Variants in NT5DC3 observed in about 807,000 individuals in gnomAD.
The protein encoded by NT5DC3 is 5'-nucleotidase domain containing 3.
NT5DC3 carries 42 observed loss-of-function variants against 67.8 expected under a neutral mutation model. The ratio of observed to expected loss-of-function variants is 0.62; its 90% CI spans 0.48 to 0.80. The LOEUF is 0.80. Among genes scored for constraint, NT5DC3 ranks in the 30% least tolerant of loss-of-function variants. The pLI, the probability that NT5DC3 is intolerant of heterozygous loss-of-function variation, is 0.00. For missense variants in NT5DC3, 570 were observed against 696.4 expected (o/e 0.82, Z 2.04); for synonymous variants, 237 against 255.6 (o/e 0.93, Z 0.69).
the NT5DC3 span, chr12:103,758,199 T>C: frequency 6.2e-7 from 1 of 1,614,158 alleles, no homozygotes; most frequent in Non-Finnish European, 8.5e-7. Context: ...ACAGCTCAGC[T>C]CGAGGCCGTG....
chr12:103,796,913 T>G lies in NT5DC3; in HGVS notation c.734A>C (p.His245Pro). Residue 245 changes from histidine to proline, a missense_variant, in exon 6 of 14, where the codon CAT becomes CCT. Around this residue, in one of 2 missense-constraint regions of NT5DC3, gnomAD observed 466 missense variants for 608.0 expected, o/e 0.77. Coordinates refer to ENST00000392876, the MANE Select transcript of NT5DC3 (RefSeq NM_001031701.3). ...TACAACCTTGACATCTTTGTACAGA[T>G]GCACAGGCTCATAGTCGATGTTGTT... ...LKNNIDYEPV[H>P]LYKDVKDSIR... 1 of 1,614,174 alleles carries G rather than the reference T, an allele frequency of 6.2e-7. No homozygotes were observed. Among genetic ancestry groups the G allele is most frequent in the South Asian group, 1.1e-5 (1 of 91,086 alleles).
At chr12:103,805,885 A>ACC (rs1406287601) in intron 4 of NT5DC3, among the ~76,000 whole-genome samples, 1 of 146,786 alleles carries the variant, frequency 6.8e-6, no homozygotes, top group Admixed American at 6.8e-5. Flanking sequence ...CAATATCCAA[A>ACC]CCACCCAAAT....
At chr12:103,759,398 G>GA in the NT5DC3 span, 1 of 1,384,910 alleles carries the variant, frequency 7.2e-7, no homozygotes, top group East Asian at 2.5e-5. Context: ...GCAGATAGGG[G>GA]ACGGTGTTAA....
chr12:103,803,865 C>CCG (rs1410444262), intron 4 of NT5DC3, among the ~76,000 whole-genome samples: 3 of 126,764 alleles, frequency 2.4e-5, no homozygotes, highest in African/African-American at 8.1e-5. Context: ...TACCACCCCC[C>CCG]CCCCAAAAAA....
chr12:103,753,287 CAG>C, the NT5DC3 span: 3 of 1,614,212 alleles, frequency 1.9e-6, no homozygotes, highest in South Asian at 1.1e-5. Context: ...TTGACAAAGC[CAG>C]AGAGGCCTGT....
At chr12:103,790,106 C>G (rs1045258830) in intron 9 of NT5DC3, among the ~76,000 whole-genome samples, 1 of 151,096 alleles carries the variant, frequency 6.6e-6, no homozygotes, top group African/African-American at 2.4e-5. Context: ...TTCCCAAATA[C>G]ATTTTTGGTT....
At position 103,780,300 on chromosome 12, in the gene NT5DC3, C is replaced by G. The variant is rs767823782; in HGVS notation, c.1394G>C (p.Arg465Pro). 3.1e-6 allele frequency: 5 copies of G among 1,613,526 alleles called. No individual in the cohort carries two copies. The highest frequency in any genetic ancestry group is 4.2e-6 in the Non-Finnish European group (5 of 1,179,450). ...CACATTCAATACAGGCCTCTCTTAC[C>G]GCATCTCCTTCCTTTCCTTTTTCCA... ...QEWKKERKEMREMTKSFFNAQ... is the reference protein window; with the variant it reads ...QEWKKERKEMPEMTKSFFNAQ... Residue 465 changes from arginine (R) to proline (P), a missense_variant and splice_region_variant, in exon 13 of 14, where the codon CGA (arginine) becomes CCA (proline). Arg to Pro is a moderately radical substitution (Grantham distance 103). Transcript: ENST00000392876.
In NT5DC3 at chr12:103,776,763, A is replaced by G. The variant is rs1885356790; in HGVS notation, c.*1066T>C. The G allele has an allele frequency of 1.3e-5, 2 of 151,950 alleles. No individual in the cohort carries two copies. Among genetic ancestry groups the G allele is most frequent in the African/African-American group, 4.8e-5 (2 of 41,380 alleles). 9.4% of individuals were successfully genotyped at this position (151,950 alleles called of 1,614,324 possible). A position where few individuals can be genotyped will look rare whatever the true frequency, so the allele number is the denominator to read the frequency against. On this transcript the variant is annotated 3_prime_UTR_variant, in exon 14 of 14. Coordinates refer to ENST00000392876, the MANE Select transcript of NT5DC3 (RefSeq NM_001031701.3). ...TCTAAGAGAAGGCTGGACATGGCTA[A>G]GTTGTGGTGGCCATCTTCCTCCTCC...
intron 1 of NT5DC3, among the ~76,000 whole-genome samples, chr12:103,828,769 C>T (rs1887803462): frequency 6.7e-6 from 1 of 149,718 alleles, no homozygotes; most frequent in African/African-American, 2.5e-5. Context: ...GTGATCTCAG[C>T]TCACTGCAAC....
the NT5DC3 span, among the ~76,000 whole-genome samples, chr12:103,751,530 G>A: frequency 6.6e-6 from 1 of 152,182 alleles, no homozygotes; most frequent in East Asian, 1.9e-4. Flanking sequence ...AGGTTTGAAA[G>A]CTTGGTTGGG....
At chr12:103,748,011 A>G in the NT5DC3 span, among the ~76,000 whole-genome samples, 1 of 151,902 alleles carries the variant, frequency 6.6e-6, no homozygotes, top group East Asian at 1.9e-4. Flanking sequence ...AAAAAAAAAA[A>G]AAAGGGAAGA....
chr12:103,814,065 G>A (rs767859927), intron 2 of NT5DC3, among the ~76,000 whole-genome samples: 1 of 152,164 alleles, frequency 6.6e-6, no homozygotes, highest in Non-Finnish European at 1.5e-5. Context: ...ACCTCCACTA[G>A]GAGGCTGCAT....
At chr12:103,747,933 T>G in the NT5DC3 span, among the ~76,000 whole-genome samples, 1 of 146,662 alleles carries the variant, frequency 6.8e-6, no homozygotes, top group African/African-American at 2.6e-5. Context: ...AGGCAGAGGT[T>G]GCAGTGAGCT....
In NT5DC3 at chr12:103,774,235, C is replaced by T. The variant is rs972386725; in HGVS notation, c.*3594G>A. 6.6e-6 allele frequency: 1 copy of T among 152,198 alleles called. No individual in the cohort carries two copies. The highest frequency in any genetic ancestry group is 1.5e-5 in the Non-Finnish European group (1 of 68,036). The allele number at this position is 152,198 out of a possible 1,614,324, so 9.4% of individuals were successfully genotyped here. On this transcript the variant is annotated 3_prime_UTR_variant, in exon 14 of 14. Coordinates refer to ENST00000392876, the MANE Select transcript of NT5DC3 (RefSeq NM_001031701.3). ...AGAAAATCAGTCAAACAATATTAAA[C>T]AGTAATTTTTAAATGTTCAAGCTAT...
At chr12:103,758,692 G>GC in the NT5DC3 span, among the ~76,000 whole-genome samples, 1 of 152,240 alleles carries the variant, frequency 6.6e-6, no homozygotes, top group African/African-American at 2.4e-5. Context: ...GGGGCAAAGG[G>GC]CCAGGGGTGC....
the NT5DC3 span, chr12:103,761,220 G>C: frequency 1.4e-5 from 19 of 1,362,340 alleles, no homozygotes; most frequent in Non-Finnish European, 1.7e-5. Flanking sequence ...AGGGGCCTTG[G>C]GAAAATTGAA....
At chr12:103,749,164 G>C in the NT5DC3 span, 4 of 1,585,864 alleles carry the variant, frequency 2.5e-6, no homozygotes, top group South Asian at 4.5e-5. Flanking sequence ...CCGGTGAGTC[G>C]CTCTTTCCCA....
chr12:103,779,557 C>T (rs1473482852), intron 13 of NT5DC3, among the ~76,000 whole-genome samples: 4 of 152,126 alleles, frequency 2.6e-5, no homozygotes, highest in Admixed American at 6.5e-5. Context: ...CTCACTGCCC[C>T]CTCTCCATGC....
chr12:103,780,292 T>A lies in NT5DC3; in HGVS notation c.1394+8A>T. The A allele has an allele frequency of 6.2e-7, 1 of 1,612,844 alleles. No individual in the cohort carries two copies. The highest frequency in any genetic ancestry group is 8.5e-7 in the Non-Finnish European group (1 of 1,178,862). ...TGGACGCGCACATTCAATACAGGCC[T>A]CTCTTACCGCATCTCCTTCCTTTCC... On this transcript the variant is annotated splice_region_variant and intron_variant, in intron 13 of 13. Coordinates refer to ENST00000392876, the MANE Select transcript of NT5DC3 (RefSeq NM_001031701.3).
Sources: gnomAD v4.1 joint callset for allele counts (sites outside exome capture counted in the v4.1 genomes callset) on GRCh38, gnomAD v4.1.1 for gene constraint, gnomAD v4.1.1 regional missense constraint, MANE v1.5 for transcripts, NCBI Gene and HGNC (gene_info 2026-07-23, HGNC 2026-07-21) for gene names.